Variants in PCDHGA4 observed in about 807,000 individuals in gnomAD.
PCDHGA4 encodes protocadherin gamma subfamily A, 4.
A neutral mutation model predicts 54.6 loss-of-function variants in PCDHGA4; 38 were observed. The observed-to-expected ratio is 0.70, with a 90% CI of 0.54 to 0.91. The LOEUF (loss-of-function observed/expected upper bound fraction) is 0.91. Among genes scored for constraint, PCDHGA4 ranks in the 40% least tolerant of loss-of-function variants. PCDHGA4 has a pLI of 0.00. For missense variants in PCDHGA4, 1,298 were observed against 1,220.9 expected (o/e 1.06, Z -0.94); for synonymous variants, 511 against 512.9 (o/e 1.00, Z 0.05).
intron 1 of PCDHGA4, among the ~76,000 whole-genome samples, chr5:141,363,769 G>A (rs1354006862): frequency 6.6e-6 from 1 of 152,102 alleles, no homozygotes; most frequent in Non-Finnish European, 1.5e-5. Context: ...AAATAAGCAC[G>A]TTTTCCTAAA....
At chr5:141,403,240 T>A (rs948095468) in intron 1 of PCDHGA4, 2 of 1,613,926 alleles carry the variant, frequency 1.2e-6, no homozygotes, top group Admixed American at 3.3e-5. Flanking sequence ...AGGAGCTCTG[T>A]GCTCAGAGCC....
At chr5:141,468,428 T>C (rs936671539) in intron 1 of PCDHGA4, 11 of 151,374 alleles carry the variant, frequency 7.3e-5, no homozygotes, top group Non-Finnish European at 1.3e-4. Context: ...AGCAAGGTAA[T>C]AGCAAAATGT....
In PCDHGA4 at chr5:141,357,548, A is replaced by G; in HGVS notation, c.2441A>G (p.Glu814Gly). 1 of 1,614,204 alleles carries G rather than the reference A, an allele frequency of 6.2e-7. No homozygotes were observed. The highest frequency in any genetic ancestry group is 1.1e-5 in the South Asian group (1 of 91,088). The change falls in exon 1 of 4, where the codon GAG becomes GGG. Residue 814 changes from glutamate (E) to glycine (G), a missense_variant. Coordinates refer to ENST00000571252, the MANE Select transcript of PCDHGA4 (RefSeq NM_018917.4). ...TATGCAGACACGCTCATCAGCCGGG[A>G]GAGTTGTGAGAAAAGCGAGCCTCTT... ...PSYADTLISRESCEKSEPLLI... is the reference protein window; with the variant it reads ...PSYADTLISRGSCEKSEPLLI...
chr5:141,419,203 C>T (rs201698529), intron 1 of PCDHGA4: 140 of 1,613,988 alleles, frequency 8.7e-5, no homozygotes, highest in Non-Finnish European at 1.2e-4. Flanking sequence ...TCAATGACAA[C>T]GCGCCGGTTT....
At chr5:141,423,126 G>A (rs1397550571) in intron 1 of PCDHGA4, 1 of 1,613,622 alleles carries the variant, frequency 6.2e-7, no homozygotes, top group Non-Finnish European at 8.5e-7. Context: ...CGCGGGCACT[G>A]CTGGACAGAG....
chr5:141,360,729 C>G (rs767195567), intron 1 of PCDHGA4: 21 of 1,613,886 alleles, frequency 1.3e-5, no homozygotes, highest in Admixed American at 1.7e-5. Context: ...TTCTAAAACA[C>G]TCTCTGGACA....
intron 1 of PCDHGA4, chr5:141,413,694 C>T: frequency 6.2e-7 from 1 of 1,613,800 alleles, no homozygotes; most frequent in Non-Finnish European, 8.5e-7. Context: ...CCCTGCAGAG[C>T]TATCAGCTCA....
chr5:141,372,404 G>C (rs761162819), intron 1 of PCDHGA4: 4 of 1,613,930 alleles, frequency 2.5e-6, no homozygotes, highest in Admixed American at 3.3e-5. Flanking sequence ...GCTTGCAAGA[G>C]ATACAACCTG....
chr5:141,444,545 CA>C (rs1264288836), intron 1 of PCDHGA4, among the ~76,000 whole-genome samples: 7 of 152,042 alleles, frequency 4.6e-5, no homozygotes, highest in Admixed American at 6.6e-5. Flanking sequence ...GTCTAGTGAG[CA>C]AAAGGCACTT....
intron 1 of PCDHGA4, chr5:141,378,041 T>C (rs1774568031): frequency 6.6e-6 from 1 of 152,220 alleles, no homozygotes; most frequent in Admixed American, 6.5e-5. Flanking sequence ...AACAAGACTT[T>C]CCTTATCTAT....
chr5:141,420,242 A>T (rs1241562871), intron 1 of PCDHGA4: 1 of 1,586,666 alleles, frequency 6.3e-7, no homozygotes, highest in Non-Finnish European at 8.6e-7. Context: ...TTTAACTCCC[A>T]GCGTTGAAGC....
chr5:141,489,732 C>CA lies in PCDHGA4; in HGVS notation c.2515-5073dup, dbSNP rs770971020. On this transcript the variant is annotated intron_variant, in intron 1 of 3. Transcript: ENST00000571252. This position sits in a 1 kb window ranked among gnomAD's most constrained non-coding sequence, Gnocchi z 4.5. ...GTGCCCAGGATCCGGATGTGGGCAC[C>CA]AATACTGTGAGCTTTTACACTCTAA... 4.3e-6 allele frequency: 7 copies of CA among 1,614,008 alleles called. No individual in the cohort carries two copies. Among genetic ancestry groups the CA allele is most frequent in the Non-Finnish European group, 5.9e-6 (7 of 1,180,002 alleles).
intron 1 of PCDHGA4, chr5:141,390,051 A>C: frequency 6.2e-7 from 1 of 1,613,978 alleles, no homozygotes; most frequent in Non-Finnish European, 8.5e-7. Context: ...CGCCTCCTGG[A>C]GCTGCTTCCA....
At chr5:141,412,729 T>C (rs1411212101) in intron 1 of PCDHGA4, 1 of 153,332 alleles carries the variant, frequency 6.5e-6, no homozygotes, top group Non-Finnish European at 1.5e-5. Flanking sequence ...GAAAACGTGT[T>C]GCAAATATAT....
intron 1 of PCDHGA4, chr5:141,405,167 C>T (rs926303279): frequency 7.4e-6 from 12 of 1,614,002 alleles, no homozygotes; most frequent in African/African-American, 1.3e-5. Flanking sequence ...GCCCACCTCA[C>T]ACTTTGTGGG....
At chr5:141,474,998 T>C (rs1029967243) in intron 1 of PCDHGA4, among the ~76,000 whole-genome samples, 1 of 152,260 alleles carries the variant, frequency 6.6e-6, no homozygotes, top group Non-Finnish European at 1.5e-5. Context: ...CAATTCTAAA[T>C]GCAGAAAAGT....
chr5:141,441,884 C>A (rs2098281796), intron 1 of PCDHGA4: 10 of 343,702 alleles, frequency 2.9e-5, no homozygotes, highest in South Asian at 2.6e-4. Context: ...TACCTGGTCA[C>A]CAAGGTGGTG....
At chr5:141,454,789 G>T (rs1368681394) in intron 1 of PCDHGA4, among the ~76,000 whole-genome samples, 1 of 129,576 alleles carries the variant, frequency 7.7e-6, no homozygotes, top group African/African-American at 3.1e-5. Flanking sequence ...AATCCTCCAT[G>T]GTTCTAATTT....
intron 1 of PCDHGA4, among the ~76,000 whole-genome samples, chr5:141,451,829 C>T (rs564970982): frequency 1.2e-4 from 18 of 151,422 alleles, no homozygotes; most frequent in African/African-American, 4.1e-4. Flanking sequence ...TACAGTGAGC[C>T]GAGATCACAC....
Sources: allele counts gnomAD v4.1 joint callset (sites outside exome capture counted in the v4.1 genomes callset), GRCh38; gene constraint gnomAD v4.1.1; non-coding constraint Gnocchi (gnomAD v3.1); transcripts MANE v1.5; gene names NCBI Gene and HGNC (gene_info 2026-07-23, HGNC 2026-07-21).